PDE6H: variants seen among roughly 807,000 people sequenced by gnomAD.
The protein encoded by PDE6H is phosphodiesterase 6H.
In PDE6H, 11 loss-of-function variants were observed where a neutral mutation model predicts 9.2. The observed-to-expected ratio is 1.19, with a 90% CI of 0.75 to 1.97. PDE6H has a LOEUF of 1.97. Ranked by LOEUF, PDE6H falls within the 30% of genes most tolerant of loss-of-function variation. PDE6H has a pLI of 0.00. For missense variants in PDE6H, 98 were observed against 101.5 expected (o/e 0.97, Z 0.15); for synonymous variants, 36 against 33.6 (o/e 1.07, Z -0.25).
At chr12:14,979,315 A>C in intron 3 of PDE6H, 96 bp downstream of exon 3, 1 of 795,354 alleles carries the variant, frequency 1.3e-6, no homozygotes, top group Non-Finnish European at 2.2e-6. Flanking sequence ...GTTATGAGAA[A>C]TACCCAAGGC....
chr12:14,978,067 C>A lies in PDE6H; in HGVS notation c.55C>A (p.Pro19Thr). ...AGCTTCAAACCAGGGTCCTACCACC[C>A]CACGCAAAGGCCCTCCCAAGTTCAA... ...APASNQGPTT[P>T]RKGPPKFKQR... is the part of the protein sequence containing the mutation. The change falls in exon 2 of 4, where the codon CCA (proline) becomes ACA (threonine). Residue 19 changes from proline to threonine, a missense_variant. By Grantham distance (38) the Pro-to-Thr change is conservative. Transcript: ENST00000266395. 1.9e-6 allele frequency: 3 copies of A among 1,613,572 alleles called. No homozygotes were observed. Among genetic ancestry groups the A allele is most frequent in the Non-Finnish European group, 2.5e-6 (3 of 1,179,844 alleles).
At chr12:14,978,201 T>G in intron 2 of PDE6H, 55 bp downstream of exon 2, 1 of 1,550,558 alleles carries the variant, frequency 6.4e-7, no homozygotes, top group Non-Finnish European at 8.9e-7. Flanking sequence ...CCCACAAGAC[T>G]GCTTTTGTTT....
At chr12:14,979,142 T>C in intron 2 of PDE6H, 37 bp from the exon 3 acceptor site, 1 of 1,488,554 alleles carries the variant, frequency 6.7e-7, no homozygotes, top group Non-Finnish European at 9.4e-7. Flanking sequence ...TCTTTTGCTC[T>C]AATCTCAGCT....
Position 14,981,420 on chromosome 12 carries a change from T to C in PDE6H, c.196T>C (p.Trp66Arg). 2 of 1,612,668 alleles carry C rather than the reference T, an allele frequency of 1.2e-6. No individual in the cohort carries two copies. Among genetic ancestry groups the C allele is most frequent in the Non-Finnish European group, 1.7e-6 (2 of 1,178,592 alleles). Reference protein sequence around the residue: ...LGTDITVICPWEAFSHLELHE... With the variant: ...LGTDITVICPREAFSHLELHE... The stretch of plus-strand genomic sequence containing the variant: ...TGCAGATATCACAGTGATTTGTCCA[T>C]GGGAGGCATTCAGCCACCTGGAATT... Residue 66 changes from tryptophan to arginine, a missense_variant, in exon 4 of 4, where the codon TGG becomes CGG. Coordinates refer to ENST00000266395, the MANE Select transcript of PDE6H (RefSeq NM_006205.3).
At chr12:14,977,288 G>A (rs1389249681) in intron 1 of PDE6H, among the ~76,000 whole-genome samples, 1 of 152,164 alleles carries the variant, frequency 6.6e-6, no homozygotes, top group East Asian at 1.9e-4. Context: ...TCTGGTTCAT[G>A]TGAGGATTAA....
intron 1 of PDE6H, 65 bp from the exon 2 acceptor site, chr12:14,977,907 G>A: frequency 9.0e-7 from 1 of 1,112,894 alleles, no homozygotes; most frequent in Non-Finnish European, 1.3e-6. Flanking sequence ...CTGAAATAAA[G>A]ATCTAATAAC....
At chr12:14,980,637 G>A (rs184889576) in intron 3 of PDE6H, among the ~76,000 whole-genome samples, 65 of 152,272 alleles carry the variant, frequency 4.3e-4, no homozygotes, top group Non-Finnish European at 6.5e-4. Flanking sequence ...AACTGCTTCC[G>A]TATTTTGGCA....
intron 1 of PDE6H, among the ~76,000 whole-genome samples, chr12:14,977,077 TGAAAA>T (rs1864607011): frequency 6.6e-6 from 1 of 152,212 alleles, no homozygotes; most frequent in African/African-American, 2.4e-5. Context: ...TGAAGATTTG[TGAAAA>T]GTGGGGGCTG....
intron 3 of PDE6H, 95 bp downstream of exon 3, chr12:14,979,314 A>T: frequency 5.0e-6 from 4 of 798,840 alleles, no homozygotes; most frequent in Non-Finnish European, 8.9e-6. Context: ...AGTTATGAGA[A>T]ATACCCAAGG....
chr12:14,977,849 C>T, intron 1 of PDE6H, 123 bp from the exon 2 acceptor site: 1 of 659,430 alleles, frequency 1.5e-6, no homozygotes, highest in Non-Finnish European at 2.6e-6. Flanking sequence ...CCTTTTGTGT[C>T]AACACAAAAT....
chr12:14,981,380 T>A lies in PDE6H; in HGVS notation c.176-20T>A. On this transcript the variant is annotated intron_variant, in intron 3 of 3. Coordinates refer to ENST00000266395, the MANE Select transcript of PDE6H (RefSeq NM_006205.3). The stretch of plus-strand genomic sequence containing the variant: ...CTTGGGGTGAGGTTGGCTTACGTGC[T>A]CTTCTTCCATCTCTTGCAGATATCA... The A allele has an allele frequency of 1.9e-6, 3 of 1,558,676 alleles. No individual in the cohort carries two copies. The highest frequency in any genetic ancestry group is 2.7e-6 in the Non-Finnish European group (3 of 1,129,654).
chr12:14,976,100 G>A (rs12822730), intron 1 of PDE6H, among the ~76,000 whole-genome samples: 1 of 151,838 alleles, frequency 6.6e-6, no homozygotes, highest in African/African-American at 2.4e-5. Flanking sequence ...GATTACAGGC[G>A]TGAGCCACCG....
chr12:14,981,660 C>A lies in PDE6H; in HGVS notation c.*184C>A. The stretch of plus-strand genomic sequence containing the variant: ...TCAGAATCTCTCTTGCAGTACAGCT[C>A]AAAATAGTGGATGCATTTCAAACTT... On this transcript the variant is annotated 3_prime_UTR_variant, in exon 4 of 4. Coordinates refer to ENST00000266395, the MANE Select transcript of PDE6H (RefSeq NM_006205.3). The A allele has an allele frequency of 1.6e-6, 1 of 640,914 alleles. No individual in the cohort carries two copies. Among genetic ancestry groups the A allele is most frequent in the South Asian group, 1.8e-5 (1 of 56,242 alleles). The allele number at this position is 640,914 out of a possible 1,614,324, so 39.7% of individuals were successfully genotyped here. A position where few individuals can be genotyped will look rare whatever the true frequency, so the allele number is the denominator to read the frequency against.
chr12:14,981,733 C>T lies in PDE6H; in HGVS notation c.*257C>T. 1.8e-6 allele frequency: 1 copy of T among 568,928 alleles called. No homozygotes were observed. The highest frequency in any genetic ancestry group is 3.0e-5 in the East Asian group (1 of 33,294). 35.2% of individuals were successfully genotyped at this position (568,928 alleles called of 1,614,324 possible). On this transcript the variant is annotated 3_prime_UTR_variant, in exon 4 of 4. Coordinates refer to ENST00000266395, the MANE Select transcript of PDE6H (RefSeq NM_006205.3). ...GTTAGAAGTCATCAATATTTCTCTA[C>T]ATTTTGTTTATCTGTAAGTCCTTTA... is the stretch of plus-strand genomic sequence containing the variant.
At chr12:14,976,179 T>C (rs1864592821) in intron 1 of PDE6H, among the ~76,000 whole-genome samples, 1 of 152,130 alleles carries the variant, frequency 6.6e-6, no homozygotes, top group South Asian at 2.1e-4. Context: ...TATGGCATGA[T>C]TACTGTACAC....
At chr12:14,973,686 G>T (rs920445066) in intron 1 of PDE6H, among the ~76,000 whole-genome samples, 1 of 152,142 alleles carries the variant, frequency 6.6e-6, no homozygotes, top group South Asian at 2.1e-4. Context: ...CTCTGCCTCA[G>T]CAGGACCCTG....
intron 3 of PDE6H, among the ~76,000 whole-genome samples, chr12:14,979,644 C>G (rs1864652255): frequency 6.6e-6 from 1 of 152,198 alleles, no homozygotes. Flanking sequence ...TCTCTCCACT[C>G]TACCTGGCAA....
At chr12:14,973,584 C>T (rs1385814750) in intron 1 of PDE6H, among the ~76,000 whole-genome samples, 2 of 152,142 alleles carry the variant, frequency 1.3e-5, no homozygotes, top group African/African-American at 4.8e-5. Flanking sequence ...GTGTTTGTTC[C>T]ATTCTGAAGC....
chr12:14,979,349 A>G, intron 3 of PDE6H, 130 bp downstream of exon 3: 1 of 710,254 alleles, frequency 1.4e-6, no homozygotes, highest in Non-Finnish European at 2.6e-6. Flanking sequence ...AGACATAGAA[A>G]TGTGGGGATT....
Sources: gnomAD v4.1 joint callset for allele counts (sites outside exome capture counted in the v4.1 genomes callset) on GRCh38, gnomAD v4.1.1 for gene constraint, MANE v1.5 for transcripts, NCBI Gene and HGNC (gene_info 2026-07-23, HGNC 2026-07-21) for gene names.